SYNPO2: variants seen among roughly 807,000 people sequenced by gnomAD.
The protein encoded by SYNPO2 is synaptopodin-2.
A neutral mutation model predicts 85.0 loss-of-function variants in SYNPO2; 56 were observed. That is an observed-to-expected ratio of 0.66 (90% CI 0.53 to 0.82). The LOEUF is 0.82. Among genes scored for constraint, SYNPO2 ranks in the 40% least tolerant of loss-of-function variants. The probability of loss-of-function intolerance (pLI) is 0.00; values close to 1 mark genes in which losing one functional copy is unlikely to be tolerated. For missense variants in SYNPO2, 1,575 were observed against 1,534.2 expected (o/e 1.03, Z -0.44); for synonymous variants, 602 against 591.1 (o/e 1.02, Z -0.27).
At chr4:119,052,559 T>A (rs889442237) in intron 4 of SYNPO2, among the ~76,000 whole-genome samples, 9 of 152,180 alleles carry the variant, frequency 5.9e-5, no homozygotes, top group Admixed American at 5.9e-4. Flanking sequence ...CTCCTTTTTT[T>A]CCTCCAACCC....
chr4:119,048,181 A>G (rs151089743), intron 4 of SYNPO2, among the ~76,000 whole-genome samples: 1 of 152,198 alleles, frequency 6.6e-6, no homozygotes, highest in East Asian at 1.9e-4. Context: ...TGTCTTGTTG[A>G]ACATGACTTG....
intron 1 of SYNPO2, among the ~76,000 whole-genome samples, chr4:118,928,602 C>T (rs114585691): frequency 1.5e-3 from 233 of 152,190 alleles, no homozygotes; most frequent in African/African-American, 5.4e-3. Context: ...TAGACATTAC[C>T]GAAAGTCTCA....
intron 4 of SYNPO2, chr4:119,033,833 CATT>C: frequency 1.0e-6 from 1 of 981,866 alleles, no homozygotes; most frequent in South Asian, 4.7e-5. Flanking sequence ...ACAACAATTT[CATT>C]GTTGTTAGCA....
At position 119,050,686 on chromosome 4, in the gene SYNPO2, A is replaced by G. The variant is rs117249644; in HGVS notation, c.3253-6715A>G. 4.6e-5 allele frequency among the ~76,000 whole-genome samples: 7 copies of G among 152,332 alleles called. No homozygotes were observed. In the East Asian group the frequency reaches 1.3e-3, roughly 29 times the overall value. ...TAGTGTTAAGCCCTTTTGTGGGACT[A>G]TATAACACCAGATGACTCATGAGTT... On this transcript the variant is annotated intron_variant, in intron 4 of 4. Coordinates refer to ENST00000307142, the MANE Select transcript of SYNPO2 (RefSeq NM_133477.3).
At chr4:118,900,827 A>G (rs1256441236) in intron 1 of SYNPO2, among the ~76,000 whole-genome samples, 2 of 150,438 alleles carry the variant, frequency 1.3e-5, no homozygotes, top group African/African-American at 4.9e-5. Flanking sequence ...TACTTTATCA[A>G]TGATTATCAA....
At position 119,031,361 on chromosome 4, in the gene SYNPO2, C is replaced by T. The variant is rs1384897298; in HGVS notation, c.2586C>T (p.Ser862=). The T allele has an allele frequency of 6.2e-7, 1 of 1,614,158 alleles. No homozygotes were observed. The highest frequency in any genetic ancestry group is 1.7e-5 in the Admixed American group (1 of 60,024). The change falls in exon 4 of 5, where the codon TCC becomes TCT. Residue 862 remains serine (S), a synonymous_variant. Transcript: ENST00000307142. Reference sequence around the variant, plus strand: ...TTCAGCCTGGTGCAGTGGGACCATCCAATGAGCTTCCAGGAATGAGTGGGA... The same window carrying T: ...TTCAGCCTGGTGCAGTGGGACCATCTAATGAGCTTCCAGGAATGAGTGGGA... ...NAVQPGAVGP[S]NELPGMSGRG...
At chr4:118,976,583 T>A (rs1735752181) in intron 1 of SYNPO2, among the ~76,000 whole-genome samples, 1 of 152,180 alleles carries the variant, frequency 6.6e-6, no homozygotes, top group African/African-American at 2.4e-5. Context: ...CGCTGATTGG[T>A]GCATTTACAA....
intron 1 of SYNPO2, among the ~76,000 whole-genome samples, chr4:118,944,014 T>G (rs750956665): frequency 1.3e-5 from 2 of 152,192 alleles, no homozygotes; most frequent in Admixed American, 6.5e-5. Flanking sequence ...ATTAAAGATA[T>G]TACTGTGCTT....
rs1739276491 is a variant in SYNPO2, at chr4:119,058,103, T to C, written c.*169T>C. On this transcript the variant is annotated 3_prime_UTR_variant, in exon 5 of 5. Coordinates refer to ENST00000307142, the MANE Select transcript of SYNPO2 (RefSeq NM_133477.3). ...GTGTGTGTGTGTGTGTGTGTATGTA[T>C]GTGAATATACACACACACACACACA... 1.7e-6 allele frequency: 1 copy of C among 579,384 alleles called. No individual in the cohort carries two copies. The highest frequency in any genetic ancestry group is 2.2e-5 in the South Asian group (1 of 45,380). 35.9% of individuals were successfully genotyped at this position (579,384 alleles called of 1,614,324 possible). A position where few individuals can be genotyped will look rare whatever the true frequency, so the allele number is the denominator to read the frequency against.
intron 1 of SYNPO2, among the ~76,000 whole-genome samples, chr4:118,914,321 A>G (rs1449770357): frequency 1.3e-5 from 2 of 152,188 alleles, no homozygotes; most frequent in African/African-American, 4.8e-5. Context: ...GCTAGAGGAA[A>G]TCTAGGGATA....
At chr4:118,905,825 C>T (rs551956787) in intron 1 of SYNPO2, among the ~76,000 whole-genome samples, 29 of 152,106 alleles carry the variant, frequency 1.9e-4, no homozygotes, top group African/African-American at 3.6e-4. Flanking sequence ...CCTGGAGCCA[C>T]GGTGGCAAGG....
intron 4 of SYNPO2, chr4:119,037,191 A>G (rs1437106235): frequency 6.5e-7 from 1 of 1,544,090 alleles, no homozygotes; most frequent in Non-Finnish European, 8.8e-7. Context: ...TCTACCTGAT[A>G]ATGATAATAC....
At chr4:119,036,987 T>C in intron 4 of SYNPO2, 4 of 1,310,848 alleles carry the variant, frequency 3.1e-6, no homozygotes, top group Non-Finnish European at 3.9e-6. Context: ...AATTTTTTTG[T>C]TATTAATATA....
At chr4:118,880,197 C>T (rs1373174559) in intron 1 of SYNPO2, among the ~76,000 whole-genome samples, 2 of 152,170 alleles carry the variant, frequency 1.3e-5, no homozygotes, top group African/African-American at 2.4e-5. Flanking sequence ...ACCAACAAAA[C>T]AATCAAAATG....
intron 1 of SYNPO2, among the ~76,000 whole-genome samples, chr4:118,995,906 C>CTATCTATCTATCTATG (rs1553944816): frequency 5.5e-5 from 8 of 145,126 alleles, no homozygotes; most frequent in African/African-American, 2.0e-4. Context: ...ATCTATCTAT[C>CTATCTATCTATCTATG]ATCTATCTAA....
At chr4:118,994,631 T>G (rs1176449555) in intron 1 of SYNPO2, among the ~76,000 whole-genome samples, 1 of 152,218 alleles carries the variant, frequency 6.6e-6, no homozygotes, top group Non-Finnish European at 1.5e-5. Flanking sequence ...ACCTAGCATT[T>G]TATCATCTAG....
chr4:118,989,937 T>C (rs1736349084), intron 1 of SYNPO2, among the ~76,000 whole-genome samples: 1 of 152,212 alleles, frequency 6.6e-6, no homozygotes, highest in African/African-American at 2.4e-5. Context: ...TACTCTCTAA[T>C]TCAGATGTTA....
intron 1 of SYNPO2, among the ~76,000 whole-genome samples, chr4:119,012,393 T>TTTTTTTTTTTTTTTTTTTTTTTTTA (rs1553946399): frequency 7.6e-6 from 1 of 130,820 alleles, no homozygotes; most frequent in Non-Finnish European, 1.6e-5. Flanking sequence ...TTTTTTTTTT[T>TTTTTTTTTTTTTTTTTTTTTTTTTA]ATTTTACTTT....
At chr4:118,927,101 C>A (rs1170547186) in intron 1 of SYNPO2, among the ~76,000 whole-genome samples, 2 of 152,094 alleles carry the variant, frequency 1.3e-5, no homozygotes, top group Non-Finnish European at 2.9e-5. Context: ...TCTCCCTCTC[C>A]TTTTTTCTTT....
Sources: gnomAD v4.1 joint callset for allele counts (sites outside exome capture counted in the v4.1 genomes callset) on GRCh38, gnomAD v4.1.1 for gene constraint, MANE v1.5 for transcripts, NCBI Gene and HGNC (gene_info 2026-07-23, HGNC 2026-07-21) for gene names.